Variants in LAMP3 observed in about 807,000 individuals in gnomAD.
LAMP3 encodes the protein lysosome associated membrane protein 3, also known as lysosome-associated membrane glycoprotein 3.
A neutral mutation model predicts 34.8 loss-of-function variants in LAMP3; 26 were observed. The ratio of observed to expected loss-of-function variants is 0.75; its 90% CI spans 0.55 to 1.04. LAMP3 has a LOEUF of 1.04. Ranked by LOEUF, LAMP3 falls within the 50% of genes least tolerant of loss-of-function variation. LAMP3 has a pLI of 0.00. For missense variants in LAMP3, 495 were observed against 524.0 expected (o/e 0.94, Z 0.54); for synonymous variants, 180 against 201.9 (o/e 0.89, Z 0.92).
intron 1 of LAMP3, 78 bp from the exon 2 acceptor site, chr3:183,154,469 G>A (rs760154542): frequency 2.0e-5 from 23 of 1,124,176 alleles, no homozygotes; most frequent in Non-Finnish European, 2.9e-5. Flanking sequence ...CCATCTTAAT[G>A]TCTGTTCATA....
chr3:183,131,050 T>A (rs1719904655), intron 5 of LAMP3, among the ~76,000 whole-genome samples: 1 of 152,232 alleles, frequency 6.6e-6, no homozygotes, highest in Admixed American at 6.5e-5. Flanking sequence ...GCCATTCCAA[T>A]GAAACCTTTG....
intron 4 of LAMP3, among the ~76,000 whole-genome samples, chr3:183,136,878 C>T (rs1720113525): frequency 2.0e-5 from 3 of 151,652 alleles, no homozygotes; most frequent in Admixed American, 2.0e-4. Flanking sequence ...CATGGTGGCA[C>T]ACACCTGTGG....
At chr3:183,131,473 C>T (rs1393550591) in intron 5 of LAMP3, among the ~76,000 whole-genome samples, 2 of 152,136 alleles carry the variant, frequency 1.3e-5, no homozygotes, top group East Asian at 1.9e-4. Flanking sequence ...GCTGTTAAGC[C>T]CGAGTCTCTT....
intron 5 of LAMP3, among the ~76,000 whole-genome samples, chr3:183,126,131 A>G (rs980887264): frequency 2.0e-5 from 3 of 152,234 alleles, no homozygotes; most frequent in African/African-American, 4.8e-5. Context: ...ATGCAAAGGT[A>G]TATTACAGCA....
At chr3:183,146,203 G>T (rs185729514) in intron 3 of LAMP3, among the ~76,000 whole-genome samples, 6 of 152,302 alleles carry the variant, frequency 3.9e-5, no homozygotes, top group Non-Finnish European at 5.9e-5. Flanking sequence ...GTGGGCAGTT[G>T]CTCCTGACAT....
At chr3:183,136,192 A>T (rs1175907666) in intron 4 of LAMP3, among the ~76,000 whole-genome samples, 1 of 152,186 alleles carries the variant, frequency 6.6e-6, no homozygotes, top group Non-Finnish European at 1.5e-5. Flanking sequence ...GGTGGGAACT[A>T]GTCAGTACTT....
intron 5 of LAMP3, among the ~76,000 whole-genome samples, chr3:183,134,412 C>T (rs1720021884): frequency 6.6e-6 from 1 of 152,188 alleles, no homozygotes; most frequent in Non-Finnish European, 1.5e-5. Context: ...CTACCTCTGC[C>T]ACTAAGAAGT....
chr3:183,127,964 TA>T (rs1719823328), intron 5 of LAMP3, among the ~76,000 whole-genome samples: 1 of 151,990 alleles, frequency 6.6e-6, no homozygotes, highest in Non-Finnish European at 1.5e-5. Context: ...ACCCCGTCTC[TA>T]CTAAAAATAT....
chr3:183,128,586 T>A (rs1719839033), intron 5 of LAMP3, among the ~76,000 whole-genome samples: 1 of 152,156 alleles, frequency 6.6e-6, no homozygotes, highest in African/African-American at 2.4e-5. Context: ...TATGTGAAGG[T>A]GTGTTTGTGT....
chr3:183,149,824 T>C (rs567992645), intron 3 of LAMP3, among the ~76,000 whole-genome samples: 1 of 151,984 alleles, frequency 6.6e-6, no homozygotes, highest in East Asian at 1.9e-4. Context: ...AAATATCTCA[T>C]GTACCCCATA....
chr3:183,156,591 C>T (rs1434272588), intron 1 of LAMP3, among the ~76,000 whole-genome samples: 5 of 152,112 alleles, frequency 3.3e-5, no homozygotes, highest in African/African-American at 1.2e-4. Context: ...TTCATATATG[C>T]CTTTTCTATC....
At chr3:183,156,914 T>G (rs1720838394) in intron 1 of LAMP3, among the ~76,000 whole-genome samples, 1 of 151,940 alleles carries the variant, frequency 6.6e-6, no homozygotes, top group Admixed American at 6.6e-5. Context: ...GGGGTGTCGC[T>G]GGGAAGAATG....
intron 3 of LAMP3, among the ~76,000 whole-genome samples, chr3:183,148,882 C>G (rs1171628843): frequency 1.3e-5 from 2 of 152,206 alleles, no homozygotes; most frequent in Admixed American, 6.5e-5. Context: ...TCGAAGCGAT[C>G]TGCTCTCCCA....
At chr3:183,138,027 T>C (rs1720154903) in intron 4 of LAMP3, among the ~76,000 whole-genome samples, 1 of 152,072 alleles carries the variant, frequency 6.6e-6, no homozygotes, top group South Asian at 2.1e-4. Flanking sequence ...TTTGCCATGT[T>C]GGCCAGGCTG....
intron 5 of LAMP3, among the ~76,000 whole-genome samples, chr3:183,127,594 G>A (rs555252606): frequency 4.0e-5 from 6 of 150,898 alleles, no homozygotes; most frequent in Non-Finnish European, 8.8e-5. Flanking sequence ...ACTGATTTTT[G>A]TACCATGCAT....
At chr3:183,162,881 C>G (rs971535319), upstream of LAMP3, 1 of 512,846 alleles carries the variant, frequency 1.9e-6, no homozygotes, top group African/African-American at 2.0e-5. Context: ...GGGGCCCGGG[C>G]CTCTGGGACC....
chr3:183,124,983 AAC>A lies in LAMP3; in HGVS notation c.1118-771_1118-770del, dbSNP rs561530085. 2.2e-4 allele frequency among the ~76,000 whole-genome samples: 34 copies of A among 152,362 alleles called. No homozygotes were observed. In the East Asian group the frequency reaches 6.5e-3, roughly 29 times the overall value. On this transcript the variant is annotated intron_variant, in intron 5 of 5. Transcript: ENST00000265598. ...GTATTACTTTTAGCTAATATTAGAA[AAC>A]AGACCAAATTATTTATGAGAGCTTA...
At chr3:183,151,593 A>G (rs1279124448) in intron 3 of LAMP3, among the ~76,000 whole-genome samples, 1 of 151,844 alleles carries the variant, frequency 6.6e-6, no homozygotes, top group Non-Finnish European at 1.5e-5. Context: ...ATGCCCGGCT[A>G]ATATTTTATA....
chr3:183,135,666 C>T (rs1720060758), intron 5 of LAMP3, 51 bp downstream of exon 5: 4 of 1,543,478 alleles, frequency 2.6e-6, no homozygotes, highest in African/African-American at 1.4e-5. Context: ...TTTGGATCTA[C>T]CCTGGGGTCT....
Sources: allele counts gnomAD v4.1 joint callset (sites outside exome capture counted in the v4.1 genomes callset), GRCh38; gene constraint gnomAD v4.1.1; transcripts MANE v1.5; gene names NCBI Gene and HGNC (gene_info 2026-07-23, HGNC 2026-07-21).